The following CNTN6 variants were observed in gnomAD, a reference collection of about 807,000 sequenced individuals.
CNTN6 encodes the protein contactin-6.
In CNTN6, 137 loss-of-function variants were observed where a neutral mutation model predicts 122.8. The ratio of observed to expected loss-of-function variants is 1.12; its 90% confidence interval spans 0.97 to 1.29. The LOEUF is 1.29. CNTN6 is among the 50% of genes most tolerant of loss of function. The pLI is 0.00. For missense variants in CNTN6, 1,634 were observed against 1,223.4 expected (o/e 1.34, Z -5.01); for synonymous variants, 570 against 426.0 (o/e 1.34, Z -4.16).
At chr3:1,218,814 T>G (rs1405280254) in intron 2 of CNTN6, among the ~76,000 whole-genome samples, 1 of 152,176 alleles carries the variant, frequency 6.6e-6, no homozygotes, top group Non-Finnish European at 1.5e-5. Context: ...ATCCTCATGA[T>G]GGCTTCTAAA....
At chr3:1,105,141 G>A (rs1405518242) in intron 1 of CNTN6, among the ~76,000 whole-genome samples, 2 of 152,054 alleles carry the variant, frequency 1.3e-5, no homozygotes, top group East Asian at 3.9e-4. Flanking sequence ...CTTGCAGGCA[G>A]GTGAGTGCTC....
At chr3:1,146,611 G>C (rs1400347274) in intron 1 of CNTN6, among the ~76,000 whole-genome samples, 1 of 151,348 alleles carries the variant, frequency 6.6e-6, no homozygotes, top group African/African-American at 2.4e-5. Flanking sequence ...GGTTTTTTTT[G>C]TTTTGTTTCT....
Position 1,325,848 on chromosome 3 carries a change from C to T in CNTN6, c.980C>T (p.Thr327Ile), listed in dbSNP as rs1701461972. 1.1e-5 allele frequency: 18 copies of T among 1,611,664 alleles called. No individual in the cohort carries two copies. The highest frequency in any genetic ancestry group is 1.4e-5 in the Non-Finnish European group (17 of 1,178,632). The change falls in exon 9 of 23, where the codon ACA becomes ATA. Residue 327 changes from threonine to isoleucine, a missense_variant. By Grantham distance (89) the Thr-to-Ile change is moderately conservative. Coordinates refer to ENST00000446702, the MANE Select transcript of CNTN6 (RefSeq NM_001289080.2). ...PPEWEQKIQN[T>I]HLSIYDNLLW... is the part of the protein sequence containing the mutation. ...GAATGGGAACAGAAAATCCAAAATA[C>T]ACACCTCTCTATCTATGACAACTTG... is the stretch of plus-strand genomic sequence containing the variant.
rs1410979347 is a variant in CNTN6 at position 1,122,944 on chromosome 3, G to T, written c.-82-24983G>T. On this transcript the variant is annotated intron_variant, in intron 1 of 22. Coordinates refer to ENST00000446702, the MANE Select transcript of CNTN6 (RefSeq NM_001289080.2). ...TGAGTGCCAGTTTTCAGTTATTTAGGGTATATACCTGGGACTGAAATGATA... is the reference window on the plus strand; with the variant it reads ...TGAGTGCCAGTTTTCAGTTATTTAGTGTATATACCTGGGACTGAAATGATA... Among the ~76,000 whole-genome samples, 3 of 151,624 alleles carry T rather than the reference G, an allele frequency of 2.0e-5. 1 individual carries two copies. Among genetic ancestry groups the T allele is most frequent in the Non-Finnish European group, 4.4e-5 (3 of 67,842 alleles).
chr3:1,386,642 CTTATATA>C (rs1692997596), intron 20 of CNTN6, among the ~76,000 whole-genome samples: 4 of 151,978 alleles, frequency 2.6e-5, no homozygotes, highest in African/African-American at 9.6e-5. Context: ...TTACATATTC[CTTATATA>C]TTATTAATGA....
At chr3:1,271,735 C>G (rs3772325) in intron 4 of CNTN6, among the ~76,000 whole-genome samples, 41,801 of 152,032 alleles carry the variant, frequency 0.27, 7,124 homozygotes, top group East Asian at 0.52. Flanking sequence ...CACCTTTACC[C>G]CTCCGCTAGC....
intron 1 of CNTN6, among the ~76,000 whole-genome samples, chr3:1,138,935 A>G (rs1289988289): frequency 6.6e-6 from 1 of 151,964 alleles, no homozygotes; most frequent in African/African-American, 2.4e-5. Context: ...TATACTCACT[A>G]TCTCTTCTAG....
chr3:1,347,067 C>G (rs954799762), intron 11 of CNTN6, among the ~76,000 whole-genome samples: 2 of 152,082 alleles, frequency 1.3e-5, no homozygotes, highest in African/African-American at 2.4e-5. Context: ...ACGTTATTGG[C>G]TTAGTTTTGT....
At chr3:1,116,229 C>A (rs916244798) in intron 1 of CNTN6, among the ~76,000 whole-genome samples, 1 of 152,060 alleles carries the variant, frequency 6.6e-6, no homozygotes, top group African/African-American at 2.4e-5. Flanking sequence ...AGCAGTTTAG[C>A]AGGCCTGGAG....
intron 7 of CNTN6, among the ~76,000 whole-genome samples, chr3:1,305,794 A>G (rs527476017): frequency 1.3e-5 from 2 of 152,278 alleles, no homozygotes; most frequent in Admixed American, 1.3e-4. Flanking sequence ...ATTTATGTGT[A>G]CATGTATAAC....
chr3:1,354,918 A>G (rs1706306010), intron 12 of CNTN6, among the ~76,000 whole-genome samples: 1 of 151,478 alleles, frequency 6.6e-6, no homozygotes, highest in African/African-American at 2.4e-5. Context: ...CACTCTCCTA[A>G]GGGGGTACAA....
In CNTN6 at chr3:1,132,156, G is replaced by T. The variant is rs148440188; in HGVS notation, c.-82-15771G>T. Among the ~76,000 whole-genome samples, 398 of 152,194 alleles carry T rather than the reference G, an allele frequency of 2.6e-3. 1 individual carries two copies. Among genetic ancestry groups the T allele is most frequent in the Non-Finnish European group, 4.5e-3 (304 of 68,014 alleles). ...ATTGGGCCTGACACTTCTAAAATAT[G>T]TAACTGTGTTTATGTTTCTTTTACT... On this transcript the variant is annotated intron_variant, in intron 1 of 22. Coordinates refer to ENST00000446702, the MANE Select transcript of CNTN6 (RefSeq NM_001289080.2).
At chr3:1,346,837 T>A (rs1376202132) in intron 11 of CNTN6, among the ~76,000 whole-genome samples, 1 of 152,086 alleles carries the variant, frequency 6.6e-6, no homozygotes, top group Non-Finnish European at 1.5e-5. Flanking sequence ...TCCAAGTGGA[T>A]GTGATGTGAT....
At chr3:1,226,047 T>C (rs1051093099) in intron 3 of CNTN6, among the ~76,000 whole-genome samples, 1 of 152,192 alleles carries the variant, frequency 6.6e-6, no homozygotes, top group Non-Finnish European at 1.5e-5. Context: ...TTTGAATTAA[T>C]TCTGTATTTT....
intron 1 of CNTN6, among the ~76,000 whole-genome samples, chr3:1,093,616 G>A (rs1367682549): frequency 6.6e-6 from 1 of 152,028 alleles, no homozygotes; most frequent in Non-Finnish European, 1.5e-5. Context: ...GTTTCCTAGG[G>A]GAGAATTTGG....
chr3:1,301,675 A>G lies in CNTN6; in HGVS notation c.761+3684A>G, dbSNP rs796168362. On this transcript the variant is annotated intron_variant, in intron 7 of 22. Transcript: ENST00000446702. ...GTTTATTAAATGAAGGCATTAATAT[A>G]GAATTGAAATACCTTGTGGTAAAAA... 2.0e-5 allele frequency among the ~76,000 whole-genome samples: 3 copies of G among 152,230 alleles called. No individual in the cohort carries two copies. In the East Asian group the frequency reaches 5.8e-4, roughly 29 times the overall value.
rs147768450 is a variant in CNTN6 at position 1,102,468 on chromosome 3, C to T, written c.-83+9348C>T. ...CAGTCCTGCCGGGCGCGGTGGCTCC[C>T]GCCTGTAATCCCAGCACTTTGGGAG... On this transcript the variant is annotated intron_variant, in intron 1 of 22. Transcript: ENST00000446702. Among the ~76,000 whole-genome samples the T allele has an allele frequency of 5.9e-5, 9 of 152,258 alleles. No individual in the cohort carries two copies. In the East Asian group the frequency reaches 7.7e-4, roughly 13 times the overall value.
At chr3:1,102,683 G>A (rs576737232) in intron 1 of CNTN6, among the ~76,000 whole-genome samples, 11 of 149,602 alleles carry the variant, frequency 7.4e-5, no homozygotes, top group African/African-American at 2.2e-4. Context: ...AGCAGAGATG[G>A]CGCCACCGCC....
chr3:1,194,433 G>C (rs1416660844), intron 2 of CNTN6, among the ~76,000 whole-genome samples: 1 of 151,816 alleles, frequency 6.6e-6, no homozygotes, highest in Non-Finnish European at 1.5e-5. Flanking sequence ...AACTTGCAAA[G>C]AAAATTTAGA....
Sources: allele counts gnomAD v4.1 joint callset (sites outside exome capture counted in the v4.1 genomes callset), GRCh38; gene constraint gnomAD v4.1.1; transcripts MANE v1.5; gene names NCBI Gene and HGNC (gene_info 2026-07-23, HGNC 2026-07-21).